Variants in PTPRU observed in about 807,000 individuals in gnomAD.
PTPRU encodes the protein receptor-type tyrosine-protein phosphatase U.
PTPRU carries 69 observed loss-of-function variants against 166.3 expected under a neutral mutation model. The observed-to-expected ratio is 0.41, with a 90% CI of 0.34 to 0.51. PTPRU has a LOEUF of 0.51. Ranked by LOEUF, PTPRU falls within the 20% of genes least tolerant of loss-of-function variation. The pLI is 0.09. For synonymous variants in PTPRU, 793 were observed against 814.0 expected, an observed-to-expected ratio of 0.97 and a Z score of 0.44; for missense variants, 1,657 against 2,013.7, an observed-to-expected ratio of 0.82 and a Z score of 3.39.
chr1:29,291,789 C>T lies in PTPRU; in HGVS notation c.2319-80C>T. 2.7e-6 allele frequency: 4 copies of T among 1,491,650 alleles called. No individual in the cohort carries two copies. The highest frequency in any genetic ancestry group is 1.3e-5 in the South Asian group (1 of 79,864). 92.4% of individuals were successfully genotyped at this position (1,491,650 alleles called of 1,614,324 possible). The stretch of plus-strand genomic sequence containing the variant: ...GGCTCCTGGCCTTGAGGTCCCCTTA[C>T]TCCAGGGCCTCCCCAGCCACCTCTG... On this transcript the variant is annotated intron_variant, in intron 14 of 29. Transcript: ENST00000373779. The surrounding 1 kb of genome is among the most constrained non-coding windows in gnomAD (Gnocchi z 4.1).
At position 29,325,473 on chromosome 1, in the gene PTPRU, C is replaced by T. The variant is rs187043276; in HGVS notation, c.4249-126C>T. On this transcript the variant is annotated intron_variant, in intron 29 of 29. Coordinates refer to ENST00000373779, the MANE Select transcript of PTPRU (RefSeq NM_133178.4). Reference sequence around the variant, plus strand: ...GTCCTAAAACATTACCCCCATTTCTCCCTTCTCCCCGAGGGCGGGCCTGGG... The same window carrying T: ...GTCCTAAAACATTACCCCCATTTCTTCCTTCTCCCCGAGGGCGGGCCTGGG... The T allele has an allele frequency of 3.9e-4, 593 of 1,504,774 alleles. 1 individual carries two copies. The African/African-American group carries it at 6.3e-3, about 16-fold the overall frequency. The allele number at this position is 1,504,774 out of a possible 1,614,324, so 93.2% of individuals were successfully genotyped here. A position where few individuals can be genotyped will look rare whatever the true frequency, so the allele number is the denominator to read the frequency against.
At chr1:29,248,478 G>A (rs761575640) in intron 1 of PTPRU, among the ~76,000 whole-genome samples, 2 of 152,150 alleles carry the variant, frequency 1.3e-5, no homozygotes, top group African/African-American at 2.4e-5. Flanking sequence ...ACCTGGGCTT[G>A]GGTGAAATCC....
At chr1:29,272,580 A>G (rs1685607245) in intron 7 of PTPRU, among the ~76,000 whole-genome samples, 1 of 152,160 alleles carries the variant, frequency 6.6e-6, no homozygotes, top group African/African-American at 2.4e-5. Flanking sequence ...TCTTCTTCAT[A>G]AGGGGAATTC....
chr1:29,292,166 T>C, intron 15 of PTPRU, 140 bp downstream of exon 15: 1 of 1,141,788 alleles, frequency 8.8e-7, no homozygotes, highest in Non-Finnish European at 1.2e-6. Flanking sequence ...GGATACCTTC[T>C]GGATATAGAG....
chr1:29,258,716 C>G lies in PTPRU; in HGVS notation c.417C>G (p.His139Gln), dbSNP rs766339466. The change falls in exon 3 of 30, where the codon CAC (histidine) becomes CAG (glutamine). Residue 139 changes from histidine to glutamine, a missense_variant. Physicochemically the swap from His to Gln is conservative, Grantham distance 24. This residue lies in a region of PTPRU where 453 missense variants were observed against 496.9 expected (regional missense o/e 0.91). Transcript: ENST00000373779. ...CTGTGTGGAATATGACTGGATCCCA[C>G]GGCCGTCAGTGGCACCAGGCTGAGC... Reference protein sequence around the residue: ...GSAVWNMTGSHGRQWHQAELA... With the variant: ...GSAVWNMTGSQGRQWHQAELA... The G allele has an allele frequency of 6.2e-7, 1 of 1,609,842 alleles. No homozygotes were observed. Among genetic ancestry groups the G allele is most frequent in the South Asian group, 1.1e-5 (1 of 90,654 alleles).
chr1:29,246,454 G>C (rs1908088), intron 1 of PTPRU, among the ~76,000 whole-genome samples: 51,621 of 152,078 alleles, frequency 0.34, 10,649 homozygotes, highest in Non-Finnish European at 0.46. Context: ...GTTTGCAAAG[G>C]CAGCACCACT....
intron 15 of PTPRU, among the ~76,000 whole-genome samples, chr1:29,297,052 G>GTTTT (rs35789721): frequency 9.0e-5 from 10 of 111,400 alleles, no homozygotes; most frequent in South Asian, 3.0e-4. Flanking sequence ...CTTAGTAGCT[G>GTTTT]TTTTTTTTTT....
At position 29,320,909 on chromosome 1, in the gene PTPRU, G is replaced by T. The variant is rs1688129617; in HGVS notation, c.3828+84G>T. 7.2e-7 allele frequency: 1 copy of T among 1,379,892 alleles called. No homozygotes were observed. Among genetic ancestry groups the T allele is most frequent in the Non-Finnish European group, 9.6e-7 (1 of 1,039,740 alleles). 85.5% of individuals were successfully genotyped at this position (1,379,892 alleles called of 1,614,324 possible). A position where few individuals can be genotyped will look rare whatever the true frequency, so the allele number is the denominator to read the frequency against. On this transcript the variant is annotated intron_variant, in intron 26 of 29. Transcript: ENST00000373779. The surrounding 1 kb of genome is among the most constrained non-coding windows in gnomAD (Gnocchi z 5.2). ...AGGGCCATGGTCCCCAAAGCCAAAA[G>T]TTGGGTCCCAGCTCTGCCATCTATT... is the stretch of plus-strand genomic sequence containing the variant.
At chr1:29,304,158 C>T (rs1240070405) in intron 16 of PTPRU, 113 bp downstream of exon 16, 1 of 1,245,988 alleles carries the variant, frequency 8.0e-7, no homozygotes, top group African/African-American at 1.5e-5. Context: ...GACGCCTGCT[C>T]TGACAGTTTC....
intron 25 of PTPRU, among the ~76,000 whole-genome samples, chr1:29,319,863 G>A (rs1235384041): frequency 6.6e-6 from 1 of 152,114 alleles, no homozygotes; most frequent in Non-Finnish European, 1.5e-5. Context: ...GCACAGGGTG[G>A]GGCAGGGCAG....
chr1:29,280,001 G>A lies in PTPRU; in HGVS notation c.1766-38G>A. 6.4e-7 allele frequency: 1 copy of A among 1,569,828 alleles called. No individual in the cohort carries two copies. Among genetic ancestry groups the A allele is most frequent in the South Asian group, 1.1e-5 (1 of 89,846 alleles). On this transcript the variant is annotated intron_variant, in intron 10 of 29. Coordinates refer to ENST00000373779, the MANE Select transcript of PTPRU (RefSeq NM_133178.4). This position sits in a 1 kb window ranked among gnomAD's most constrained non-coding sequence, Gnocchi z 4.2. ...GGAAGCCTGGTCTTCCTGGTCCAGT[G>A]GCCAAGCTCCAGCTTGTGACCCTGT...
chr1:29,319,629 G>A (rs182097534), intron 25 of PTPRU, among the ~76,000 whole-genome samples: 1 of 152,378 alleles, frequency 6.6e-6, no homozygotes, highest in East Asian at 1.9e-4. Flanking sequence ...CCTTCAGAGA[G>A]TCCTGGAGAG....
rs781101694 is a variant in PTPRU at position 29,323,689 on chromosome 1, G to A, written c.4013G>A (p.Arg1338Gln). The A allele has an allele frequency of 1.5e-5, 24 of 1,614,034 alleles. No individual in the cohort carries two copies. The South Asian group carries it at 2.1e-4, about 14-fold the overall frequency. Residue 1338 changes from arginine to glutamine, a missense_variant, in exon 28 of 30, where the codon CGG (arginine) becomes CAG (glutamine). Coordinates refer to ENST00000373779, the MANE Select transcript of PTPRU (RefSeq NM_133178.4). ...HFQFLRWSAY[R>Q]DTPDSKKAFL... is the part of the protein sequence containing the mutation. ...CAGTTCCTGCGCTGGTCTGCATACC[G>A]GGACACACCTGACTCCAAGAAGGCC...
At chr1:29,307,803 C>T (rs1557474250) in intron 18 of PTPRU, among the ~76,000 whole-genome samples, 1 of 140,966 alleles carries the variant, frequency 7.1e-6, no homozygotes. Context: ...TCTTGTTGCC[C>T]AGGCTGGAGC....
At chr1:29,274,853 C>A (rs1685722727) in intron 7 of PTPRU, among the ~76,000 whole-genome samples, 1 of 151,784 alleles carries the variant, frequency 6.6e-6, no homozygotes, top group African/African-American at 2.4e-5. Context: ...GAGTTCAAGA[C>A]CAGCCTGGCC....
intron 1 of PTPRU, among the ~76,000 whole-genome samples, chr1:29,242,083 G>A (rs186564611): frequency 1.3e-5 from 2 of 152,112 alleles, no homozygotes; most frequent in African/African-American, 4.8e-5. Context: ...GTAGAGATGG[G>A]GTTTCACCAT....
At chr1:29,269,515 G>T (rs1281779087) in intron 7 of PTPRU, among the ~76,000 whole-genome samples, 1 of 151,654 alleles carries the variant, frequency 6.6e-6, no homozygotes, top group Non-Finnish European at 1.5e-5. Flanking sequence ...CGGAAGCTGG[G>T]GCAGGGGCCT....
chr1:29,320,828 GAGGCCTCCACTGGCC>G lies in PTPRU; in HGVS notation c.3828+9_3828+23del. On this transcript the variant is annotated splice_donor_5th_base_variant and intron_variant, in intron 26 of 29. Transcript: ENST00000373779. The surrounding 1 kb of genome is among the most constrained non-coding windows in gnomAD (Gnocchi z 5.2). ...TGAACCAGTCCAACTCCGCCTGGGT[GAGGCCTCCACTGGCC>G]AGGCCAATGGGCCGCCTGCTCCCAG... is the stretch of plus-strand genomic sequence containing the variant. 1 of 1,571,876 alleles carries G rather than the reference GAGGCCTCCACTGGCC, an allele frequency of 6.4e-7. No individual in the cohort carries two copies. Among genetic ancestry groups the G allele is most frequent in the Non-Finnish European group, 8.7e-7 (1 of 1,150,754 alleles).
chr1:29,259,377 G>A, intron 4 of PTPRU, 35 bp downstream of exon 4: 1 of 1,611,140 alleles, frequency 6.2e-7, no homozygotes. Context: ...CAGGGGTAAG[G>A]GGTGTGGGCG....
Sources: allele counts gnomAD v4.1 joint callset (sites outside exome capture counted in the v4.1 genomes callset), GRCh38; gene constraint gnomAD v4.1.1; regional missense constraint gnomAD v4.1.1; non-coding constraint Gnocchi (gnomAD v3.1); transcripts MANE v1.5; gene names NCBI Gene and HGNC (gene_info 2026-07-23, HGNC 2026-07-21).